Variants in COL4A3 observed in about 807,000 individuals in gnomAD.
COL4A3 encodes collagen alpha-3(IV) chain.
A neutral mutation model predicts 217.4 loss-of-function variants in COL4A3; 135 were observed. That is an observed-to-expected ratio of 0.62 (90% CI 0.54 to 0.72). The LOEUF is 0.72. Among genes scored for constraint, COL4A3 ranks in the 30% least tolerant of loss-of-function variants. The pLI, the probability that COL4A3 is intolerant of heterozygous loss-of-function variation, is 0.00. For synonymous variants in COL4A3, 690 were observed against 736.3 expected (o/e 0.94, Z 1.02); for missense variants, 1,868 against 2,119.9 (o/e 0.88, Z 2.33).
Position 227,191,395 on chromosome 2 carries a change from C to T in COL4A3, c.87+26582C>T, listed in dbSNP as rs1006717891. ...CAAAAAATTTAAGTGGGTGAGGGGG[C>T]AGGAAGAACAATAAAGAAAGCTAAG... On this transcript the variant is annotated intron_variant, in intron 1 of 51. Transcript: ENST00000396578. This position sits in a 1 kb window ranked among gnomAD's most constrained non-coding sequence, Gnocchi z 6.8. Among the ~76,000 whole-genome samples the T allele has an allele frequency of 6.6e-6, 1 of 152,012 alleles. No homozygotes were observed. Among genetic ancestry groups the T allele is most frequent in the African/African-American group, 2.4e-5 (1 of 41,384 alleles).
At chr2:227,292,295 T>G (rs1275843134) in intron 37 of COL4A3, among the ~76,000 whole-genome samples, 1 of 152,234 alleles carries the variant, frequency 6.6e-6, no homozygotes, top group Non-Finnish European at 1.5e-5. Flanking sequence ...GTTTACTACT[T>G]GGAGCACAGA....
At position 227,304,024 on chromosome 2, in the gene COL4A3, C is replaced by G; in HGVS notation, c.4033C>G (p.Arg1345Gly). ...PIGPKGPPGV[R>G]GDPGTLKIIS... ...TCTTATGTTTATGTCAACAGGTGTACGTGGAGACCCTGGCACACTTAAGAT... is the reference window on the plus strand; with the variant it reads ...TCTTATGTTTATGTCAACAGGTGTAGGTGGAGACCCTGGCACACTTAAGAT... The change falls in exon 46 of 52, where the codon CGT becomes GGT. Residue 1345 changes from arginine (R) to glycine (G), a missense_variant. Transcript: ENST00000396578. 1 of 1,614,156 alleles carries G rather than the reference C, an allele frequency of 6.2e-7. No homozygotes were observed. The highest frequency in any genetic ancestry group is 2.2e-5 in the East Asian group (1 of 44,876).
intron 21 of COL4A3, chr2:227,264,760 A>C (rs2125975996): frequency 6.6e-6 from 1 of 152,096 alleles, no homozygotes; most frequent in African/African-American, 2.4e-5. Context: ...CTTTTTTTCT[A>C]TGTCAAGGCT....
intron 20 of COL4A3, among the ~76,000 whole-genome samples, chr2:227,263,091 A>G (rs4675161): frequency 0.57 from 84,287 of 148,742 alleles, 24,694 homozygotes; most frequent in South Asian, 0.67. Flanking sequence ...AAAGTAAAAT[A>G]TGATTAAAAA....
At chr2:227,309,432 C>A in intron 50 of COL4A3, 114 bp downstream of exon 50, 1 of 789,344 alleles carries the variant, frequency 1.3e-6, no homozygotes, top group Non-Finnish European at 2.2e-6. Flanking sequence ...GTGTGTGCAA[C>A]ATGCCATAGA....
chr2:227,309,605 T>A lies in COL4A3; in HGVS notation c.4755+287T>A, dbSNP rs191307548. On this transcript the variant is annotated intron_variant, in intron 50 of 51. Coordinates refer to ENST00000396578, the MANE Select transcript of COL4A3 (RefSeq NM_000091.5). ...GATAATGGAATGTCTCTTTTTATTA[T>A]TTTTTTTATCTTTTGAGACAGATTC... Among the ~76,000 whole-genome samples the A allele has an allele frequency of 6.9e-3, 1,053 of 152,010 alleles. 6 individuals carry two copies. Among genetic ancestry groups the A allele is most frequent in the Admixed American group, 8.7e-3 (132 of 15,254 alleles).
At chr2:227,177,856 G>A (rs114584890) in intron 1 of COL4A3, among the ~76,000 whole-genome samples, 2,559 of 152,148 alleles carry the variant, frequency 0.017, 82 homozygotes, top group African/African-American at 0.058. Context: ...TCACAGTATC[G>A]CAATGCTTGT....
chr2:227,173,437 A>G (rs1055577183), intron 1 of COL4A3, among the ~76,000 whole-genome samples: 1 of 152,190 alleles, frequency 6.6e-6, no homozygotes, highest in Non-Finnish European at 1.5e-5. Context: ...CTTTTCTCAA[A>G]GTAGCCATGT....
chr2:227,242,635 C>T (rs533958383), intron 3 of COL4A3, among the ~76,000 whole-genome samples: 1 of 152,172 alleles, frequency 6.6e-6, no homozygotes, highest in East Asian at 1.9e-4. Context: ...CTTCTATCAC[C>T]CAGGATATTC....
chr2:227,287,342 A>G (rs1268872283), intron 34 of COL4A3, among the ~76,000 whole-genome samples: 1 of 152,122 alleles, frequency 6.6e-6, no homozygotes, highest in Non-Finnish European at 1.5e-5. Context: ...GAGGTAGGAG[A>G]ATCACTTGAA....
At chr2:227,247,643 G>A (rs532825055) in intron 8 of COL4A3, 59 bp downstream of exon 8, 62 of 1,514,654 alleles carry the variant, frequency 4.1e-5, no homozygotes, top group East Asian at 2.7e-4. Flanking sequence ...TGAAAAGGAC[G>A]TCTATTAAAT....
chr2:227,237,657 G>T (rs566469289), intron 1 of COL4A3: 4 of 276,590 alleles, frequency 1.4e-5, no homozygotes, highest in Admixed American at 4.8e-5. Context: ...TAAATTATTA[G>T]GTTGGTACAA....
intron 11 of COL4A3, among the ~76,000 whole-genome samples, chr2:227,252,511 C>T (rs746584778): frequency 9.2e-5 from 14 of 151,832 alleles, no homozygotes; most frequent in African/African-American, 1.2e-4. Context: ...CCACTATGCC[C>T]GGCTTGGGTA....
In COL4A3 at chr2:227,259,879, T is replaced by A; in HGVS notation, c.1114+2T>A. The A allele has an allele frequency of 6.2e-7, 1 of 1,609,202 alleles. No individual in the cohort carries two copies. The highest frequency in any genetic ancestry group is 8.5e-7 in the Non-Finnish European group (1 of 1,175,452). On this transcript the variant is annotated splice_donor_variant, in intron 19 of 51. Coordinates refer to ENST00000396578, the MANE Select transcript of COL4A3 (RefSeq NM_000091.5). LOFTEE classifies it high-confidence loss of function. ...CCAGAGGAGCTCGTGGCCCACAAGG[T>A]AAGAATAAATTTCTTCCTAAAGCAT...
chr2:227,245,867 A>G, intron 5 of COL4A3, 87 bp from the exon 6 acceptor site: 3 of 909,388 alleles, frequency 3.3e-6, no homozygotes, highest in South Asian at 1.3e-5. Context: ...ATATTTCAAG[A>G]GCTATTTAAA....
chr2:227,216,783 A>C lies in COL4A3; in HGVS notation c.88-21185A>C, dbSNP rs187161413. Among the ~76,000 whole-genome samples the C allele has an allele frequency of 2.0e-5, 3 of 152,314 alleles. No individual in the cohort carries two copies. The East Asian group carries it at 5.8e-4, about 29-fold the overall frequency. On this transcript the variant is annotated intron_variant, in intron 1 of 51. Coordinates refer to ENST00000396578, the MANE Select transcript of COL4A3 (RefSeq NM_000091.5). The stretch of plus-strand genomic sequence containing the variant: ...CCCAAAAGTGTTCACAGTGACAGCA[A>C]TATTGTTCAGGAAAGGAGGATTATG...
chr2:227,239,409 G>A (rs1328296124), intron 2 of COL4A3, among the ~76,000 whole-genome samples: 1 of 152,028 alleles, frequency 6.6e-6, no homozygotes, highest in Non-Finnish European at 1.5e-5. Flanking sequence ...CGTGTGGGGG[G>A]AAGGTCCTGG....
intron 1 of COL4A3, among the ~76,000 whole-genome samples, chr2:227,179,215 T>G (rs536689289): frequency 9.9e-4 from 151 of 152,178 alleles, no homozygotes; most frequent in Non-Finnish European, 1.9e-3. Flanking sequence ...CCTCCCAAAG[T>G]GCTGGGTTTA....
intron 1 of COL4A3, among the ~76,000 whole-genome samples, chr2:227,208,571 C>T (rs1413205460): frequency 2.0e-5 from 3 of 152,082 alleles, no homozygotes; most frequent in Non-Finnish European, 4.4e-5. Flanking sequence ...ACTTCCCAAG[C>T]CCCTACCCGC....
Sources: allele counts gnomAD v4.1 joint callset (sites outside exome capture counted in the v4.1 genomes callset), GRCh38; gene constraint gnomAD v4.1.1; non-coding constraint Gnocchi (gnomAD v3.1); transcripts MANE v1.5; gene names NCBI Gene and HGNC (gene_info 2026-07-23, HGNC 2026-07-21).